Variants in CNTNAP2 observed in about 807,000 individuals in gnomAD.
CNTNAP2 encodes contactin-associated protein-like 2.
Under a neutral mutation model 155.2 loss-of-function variants are expected in CNTNAP2, and 98 were observed. That is an observed-to-expected ratio of 0.63 (90% CI 0.54 to 0.75). The LOEUF (loss-of-function observed/expected upper bound fraction) is 0.75, where lower values mean the gene tolerates loss of function less well. Among genes scored for constraint, CNTNAP2 ranks in the 30% least tolerant of loss-of-function variants. CNTNAP2 has a pLI of 0.00. For missense variants in CNTNAP2, 1,727 were observed against 1,688.1 expected, an observed-to-expected ratio of 1.02 and a Z score of -0.40; for synonymous variants, 651 against 631.2, an observed-to-expected ratio of 1.03 and a Z score of -0.47.
At chr7:146,437,594 C>A (rs561325464) in intron 1 of CNTNAP2, among the ~76,000 whole-genome samples, 1 of 151,470 alleles carries the variant, frequency 6.6e-6, no homozygotes, top group South Asian at 2.1e-4. Context: ...TTATTTAAAC[C>A]AGTATTTCTC....
intron 13 of CNTNAP2, among the ~76,000 whole-genome samples, chr7:147,894,975 T>C (rs1799754819): frequency 8.4e-6 from 1 of 118,918 alleles, no homozygotes; most frequent in Non-Finnish European, 1.8e-5. Flanking sequence ...CTTTTTTTTT[T>C]TTTTTTTTTT....
chr7:147,071,375 C>A (rs1010450829), intron 4 of CNTNAP2, among the ~76,000 whole-genome samples: 1 of 150,514 alleles, frequency 6.6e-6, no homozygotes, highest in Non-Finnish European at 1.5e-5. Flanking sequence ...TCTGTGGGAA[C>A]AGCAGCAGGA....
intron 22 of CNTNAP2, among the ~76,000 whole-genome samples, chr7:148,391,039 T>C (rs1799335591): frequency 6.6e-6 from 1 of 152,198 alleles, no homozygotes; most frequent in Non-Finnish European, 1.5e-5. Context: ...TCATTTGTCT[T>C]TCAGTCCTTC....
chr7:148,335,579 G>T (rs1481830532), intron 21 of CNTNAP2, among the ~76,000 whole-genome samples: 1 of 152,140 alleles, frequency 6.6e-6, no homozygotes, highest in Admixed American at 6.5e-5. Flanking sequence ...ATAATTACGT[G>T]TCAAGAGAAG....
At chr7:147,861,979 T>C (rs904301330) in intron 13 of CNTNAP2, among the ~76,000 whole-genome samples, 2 of 109,998 alleles carry the variant, frequency 1.8e-5, no homozygotes, top group Non-Finnish European at 3.5e-5. Context: ...ACTTGGGCAA[T>C]AGAGTGAAAC....
intron 8 of CNTNAP2, among the ~76,000 whole-genome samples, chr7:147,244,420 C>A (rs1804011265): frequency 6.6e-6 from 1 of 152,168 alleles, no homozygotes; most frequent in African/African-American, 2.4e-5. Flanking sequence ...GTTTTTGTCT[C>A]CAAAATAGAT....
intron 16 of CNTNAP2, among the ~76,000 whole-genome samples, chr7:148,139,194 T>C (rs1271415207): frequency 6.6e-6 from 1 of 152,256 alleles, no homozygotes; most frequent in African/African-American, 2.4e-5. Context: ...CCTTGAAGAA[T>C]TTCCAGAAGA....
intron 8 of CNTNAP2, among the ~76,000 whole-genome samples, chr7:147,187,730 T>C (rs954307783): frequency 5.9e-5 from 9 of 152,120 alleles, no homozygotes; most frequent in Non-Finnish European, 1.2e-4. Flanking sequence ...TCTGTACCCC[T>C]GAAGCTAAAA....
intron 8 of CNTNAP2, among the ~76,000 whole-genome samples, chr7:147,284,544 A>T (rs1805134185): frequency 6.6e-6 from 1 of 151,960 alleles, no homozygotes; most frequent in Non-Finnish European, 1.5e-5. Flanking sequence ...TTTAAAATTT[A>T]TGCTAGGATA....
intron 1 of CNTNAP2, among the ~76,000 whole-genome samples, chr7:146,611,089 C>G (rs534015499): frequency 3.9e-5 from 6 of 152,078 alleles, no homozygotes. Flanking sequence ...TAAGCAAAGC[C>G]GTTTATGTAT....
intron 1 of CNTNAP2, among the ~76,000 whole-genome samples, chr7:146,221,747 T>C (rs1215856551): frequency 1.3e-5 from 2 of 152,250 alleles, no homozygotes; most frequent in Non-Finnish European, 2.9e-5. Flanking sequence ...ATTTATTTTA[T>C]AATGGCAAAT....
intron 5 of CNTNAP2, among the ~76,000 whole-genome samples, chr7:147,120,440 C>T (rs1801081179): frequency 6.6e-6 from 1 of 152,042 alleles, no homozygotes; most frequent in Admixed American, 6.6e-5. Context: ...TCTGTAAAAG[C>T]CCACGTGACA....
intron 15 of CNTNAP2, among the ~76,000 whole-genome samples, chr7:148,002,993 T>A (rs1360397299): frequency 6.6e-6 from 1 of 152,050 alleles, no homozygotes; most frequent in Non-Finnish European, 1.5e-5. Context: ...AAAGATGAAA[T>A]GGGTATTTTG....
At chr7:146,525,378 A>G (rs1450854760) in intron 1 of CNTNAP2, among the ~76,000 whole-genome samples, 2 of 152,214 alleles carry the variant, frequency 1.3e-5, no homozygotes, top group African/African-American at 4.8e-5. Flanking sequence ...TGGCATAACT[A>G]TTAAAAATGG....
intron 3 of CNTNAP2, among the ~76,000 whole-genome samples, chr7:146,965,430 T>C (rs901128700): frequency 1.3e-5 from 2 of 151,930 alleles, no homozygotes; most frequent in African/African-American, 4.8e-5. Flanking sequence ...TTACTTCAAA[T>C]CCCTCAGGAT....
chr7:147,357,024 C>T (rs915412139), intron 9 of CNTNAP2, among the ~76,000 whole-genome samples: 22 of 152,078 alleles, frequency 1.4e-4, no homozygotes, highest in African/African-American at 4.6e-4. Flanking sequence ...CAAACTCTGA[C>T]CTCCATCTTT....
intron 10 of CNTNAP2, among the ~76,000 whole-genome samples, chr7:147,425,170 G>A (rs1012177424): frequency 6.7e-6 from 1 of 149,070 alleles, no homozygotes; most frequent in African/African-American, 2.5e-5. Flanking sequence ...TTCGTTTTCA[G>A]ATGATGAGAA....
chr7:146,761,093 A>T (rs1048097696), intron 1 of CNTNAP2, among the ~76,000 whole-genome samples: 10 of 152,126 alleles, frequency 6.6e-5, no homozygotes, highest in African/African-American at 2.4e-4. Flanking sequence ...TGTAGATTCA[A>T]TGATCGCCAC....
intron 4 of CNTNAP2, among the ~76,000 whole-genome samples, chr7:147,074,820 A>G (rs976290382): frequency 3.7e-4 from 57 of 152,276 alleles, no homozygotes; most frequent in African/African-American, 1.4e-3. Context: ...GCCATCAAGA[A>G]TTCTCAAAAC....
Sources: allele counts gnomAD v4.1 joint callset (sites outside exome capture counted in the v4.1 genomes callset), GRCh38; gene constraint gnomAD v4.1.1; transcripts MANE v1.5; gene names NCBI Gene and HGNC (gene_info 2026-07-23, HGNC 2026-07-21).